NLRP11: variants seen among roughly 807,000 people sequenced by gnomAD.
NLRP11 encodes NLR family pyrin domain containing 11, also known as NACHT, LRR and PYD domains-containing protein 11.
In NLRP11, 53 loss-of-function variants were observed where a neutral mutation model predicts 79.3. The observed-to-expected ratio is 0.67, with a 90% CI of 0.54 to 0.84. The LOEUF is 0.84. Among genes scored for constraint, NLRP11 ranks in the 40% least tolerant of loss-of-function variants. The pLI is 0.00. For synonymous variants in NLRP11, 518 were observed against 462.6 expected (o/e 1.12, Z -1.54); for missense variants, 1,264 against 1,255.0 (o/e 1.01, Z -0.11).
exon 9 of NLRP11, chr19:55,788,977 C>A (rs1477575672): frequency 6.2e-6 from 10 of 1,613,842 alleles, no homozygotes; most frequent in Non-Finnish European, 8.5e-6. Context: ...ACTCTTCTAG[C>A]CTGCAACGAA....
chr19:55,820,006 TA>T (rs1349066358), intron 1 of NLRP11, among the ~76,000 whole-genome samples: 2 of 151,804 alleles, frequency 1.3e-5, no homozygotes, highest in African/African-American at 4.8e-5. Context: ...AATAAAGGGG[TA>T]AAAAAATGGG....
upstream of NLRP11, chr19:55,836,293 A>G (rs547338398): frequency 7.2e-5 from 11 of 152,166 alleles, no homozygotes; most frequent in Non-Finnish European, 1.6e-4. Context: ...AGACTGGAGG[A>G]GCATCCCTGC....
chr19:55,809,928 G>C lies in NLRP11; in HGVS notation c.682C>G (p.Leu228Val). The C allele has an allele frequency of 6.2e-7, 1 of 1,614,144 alleles. No individual in the cohort carries two copies. The highest frequency in any genetic ancestry group is 8.5e-7 in the Non-Finnish European group (1 of 1,179,982). ...AATCTTATGTTGTCCAAGTCCTCGA[G>C]GATGAAAAGGAGTTTCTTGGGATCA... Residue 228 changes from leucine (L) to valine (V), a missense_variant, in exon 3 of 10, where the codon CTC becomes GTC. Physicochemically the swap from Leu to Val is conservative, Grantham distance 32. Coordinates refer to ENST00000589093, the Ensembl canonical transcript of NLRP11. This position sits in a 1 kb window ranked among gnomAD's most constrained non-coding sequence, Gnocchi z 4.5.
chr19:55,821,249 A>ACACCCCC (rs1443325918), intron 1 of NLRP11, among the ~76,000 whole-genome samples: 8 of 124,458 alleles, frequency 6.4e-5, no homozygotes, highest in African/African-American at 2.3e-4. Flanking sequence ...ACACACACAC[A>ACACCCCC]CCCCAAGCAC....
At chr19:55,819,426 T>C (rs1489460753) in intron 1 of NLRP11, among the ~76,000 whole-genome samples, 2 of 152,200 alleles carry the variant, frequency 1.3e-5, no homozygotes, top group African/African-American at 4.8e-5. Flanking sequence ...TCAGTTTCAA[T>C]GTCAGTCTAA....
At chr19:55,807,993 G>A in exon 4 of NLRP11, 1 of 1,609,790 alleles carries the variant, frequency 6.2e-7, no homozygotes, top group Non-Finnish European at 8.5e-7. Context: ...TCTCTCTCCA[G>A]TAGACAAGGC....
chr19:55,793,745 C>T lies in NLRP11; in HGVS notation c.2343-1274G>A, dbSNP rs143512109. Among the ~76,000 whole-genome samples the T allele has an allele frequency of 1.8e-3, 268 of 152,048 alleles. 1 individual carries two copies. The highest frequency in any genetic ancestry group is 6.1e-3 in the African/African-American group (254 of 41,464). Reference sequence around the variant, plus strand: ...AATGATTTTTGTGCTTTAAAATGATCGGAAAATGTATATGTAGTTATTTTA... The same window carrying T: ...AATGATTTTTGTGCTTTAAAATGATTGGAAAATGTATATGTAGTTATTTTA... On this transcript the variant is annotated intron_variant, in intron 6 of 9. Coordinates refer to ENST00000589093, the Ensembl canonical transcript of NLRP11.
At chr19:55,791,718 AGAAGTTTGATTATTCAGCATCATTGAT>A (rs1990244288) in intron 7 of NLRP11, among the ~76,000 whole-genome samples, 1 of 152,152 alleles carries the variant, frequency 6.6e-6, no homozygotes, top group Non-Finnish European at 1.5e-5. Context: ...AGAAAATACG[AGAAGTTTGATTATTCAGCATCATTGAT>A]GAGGCACACT....
At chr19:55,820,104 C>G (rs1192973136) in intron 1 of NLRP11, among the ~76,000 whole-genome samples, 2 of 152,168 alleles carry the variant, frequency 1.3e-5, no homozygotes, top group East Asian at 1.9e-4. Context: ...CTATGACACC[C>G]TCTTCCAGAA....
At chr19:55,785,599 A>G (rs1568624131) in exon 10 of NLRP11, 1 of 1,589,272 alleles carries the variant, frequency 6.3e-7, no homozygotes, top group South Asian at 1.2e-5. Context: ...GTAATTTATA[A>G]TAAATACTGT....
chr19:55,792,296 C>CT lies in NLRP11; in HGVS notation c.2513+4dup. On this transcript the variant is annotated splice_donor_region_variant and intron_variant, in intron 7 of 9. Coordinates refer to ENST00000589093, the Ensembl canonical transcript of NLRP11. ...AGTCATCCAGGACAACTGTGGGAGA[C>CT]TTACTGAAGCTCCTCTAACTGACAG... 1 of 1,612,944 alleles carries CT rather than the reference C, an allele frequency of 6.2e-7. No homozygotes were observed. The highest frequency in any genetic ancestry group is 8.5e-7 in the Non-Finnish European group (1 of 1,179,112).
intron 1 of NLRP11, 76 bp from the exon 2 acceptor site, chr19:55,818,312 T>C (rs1981345413): frequency 4.4e-6 from 3 of 679,130 alleles, no homozygotes; most frequent in Non-Finnish European, 7.4e-6. Flanking sequence ...TCCTAGACAA[T>C]TCCTGTGGTG....
upstream of NLRP11, among the ~76,000 whole-genome samples, chr19:55,835,064 A>G (rs973413280): frequency 1.3e-5 from 2 of 152,154 alleles, no homozygotes; most frequent in Non-Finnish European, 2.9e-5. Context: ...CTGCTTCCCA[A>G]TCTAGGTTCT....
In NLRP11 at chr19:55,813,078, A is replaced by G. The variant is rs556957610; in HGVS notation, c.272-2740T>C. On this transcript the variant is annotated intron_variant, in intron 2 of 9. Coordinates refer to ENST00000589093, the Ensembl canonical transcript of NLRP11. ...CACAGCGACTCACACCTGTAATCAC[A>G]GCACTTTGGGAGGCGAAGGCGGGCA... Among the ~76,000 whole-genome samples the G allele has an allele frequency of 3.3e-5, 5 of 152,306 alleles. No individual in the cohort carries two copies. In the East Asian group the frequency reaches 9.7e-4, roughly 29 times the overall value.
intron 2 of NLRP11, among the ~76,000 whole-genome samples, chr19:55,812,484 GA>G (rs1319470562): frequency 6.6e-6 from 1 of 152,184 alleles, no homozygotes; most frequent in Non-Finnish European, 1.5e-5. Flanking sequence ...CCCAAAAGGA[GA>G]GGGGATGAAA....
rs1331971852 is a variant in NLRP11, at chr19:55,807,021, T to TC, written c.2003+831dup. Reference sequence around the variant, plus strand: ...ATGCACCCTGACCTTGCCATTCTTTTCCCCCCGTAACACCATTATCCTAAA... The same window carrying TC: ...ATGCACCCTGACCTTGCCATTCTTTTCCCCCCCGTAACACCATTATCCTAAA... On this transcript the variant is annotated intron_variant, in intron 4 of 9. Coordinates refer to ENST00000589093, the Ensembl canonical transcript of NLRP11. 2.0e-5 allele frequency among the ~76,000 whole-genome samples: 3 copies of TC among 152,012 alleles called. No individual in the cohort carries two copies. In the East Asian group the frequency reaches 5.8e-4, roughly 29 times the overall value.
At position 55,827,388 on chromosome 19, in the gene NLRP11, T is replaced by C. The variant is rs199564027; in HGVS notation, c.-63+4575A>G. ...TTCATGTCTAAAACACCAAAAGCAA[T>C]GGCAACAAAAGCCAAAATTGACAAA... On this transcript the variant is annotated intron_variant, in intron 1 of 9. Coordinates refer to ENST00000589093, the Ensembl canonical transcript of NLRP11. Among the ~76,000 whole-genome samples the C allele has an allele frequency of 1.9e-3, 286 of 149,524 alleles. 1 individual carries two copies. In the East Asian group the frequency reaches 0.025, roughly 13 times the overall value.
At chr19:55,788,500 G>A (rs1990020877) in intron 9 of NLRP11, among the ~76,000 whole-genome samples, 1 of 151,334 alleles carries the variant, frequency 6.6e-6, no homozygotes, top group African/African-American at 2.4e-5. Flanking sequence ...CAGCACTTCG[G>A]GAGGCCAAGG....
At chr19:55,800,712 A>C (rs1039670575) in intron 5 of NLRP11, among the ~76,000 whole-genome samples, 1 of 152,306 alleles carries the variant, frequency 6.6e-6, no homozygotes, top group South Asian at 2.1e-4. Context: ...AATTTTATGA[A>C]ATCAATACGG....
Sources: gnomAD v4.1 joint callset for allele counts (sites outside exome capture counted in the v4.1 genomes callset) on GRCh38, gnomAD v4.1.1 for gene constraint, Gnocchi (gnomAD v3.1) non-coding constraint, MANE v1.5 for transcripts, NCBI Gene and HGNC (gene_info 2026-07-23, HGNC 2026-07-21) for gene names.